Variants in ESRRB observed in about 807,000 individuals in gnomAD.
ESRRB encodes the protein steroid hormone receptor ERR2.
In ESRRB, 16 loss-of-function variants were observed where a neutral mutation model predicts 46.0. The observed-to-expected ratio is 0.35, with a 90% CI of 0.24 to 0.53. ESRRB has a LOEUF of 0.53. Among genes scored for constraint, ESRRB ranks in the 20% least tolerant of loss-of-function variants. ESRRB has a pLI of 0.93. For missense variants in ESRRB, 488 were observed against 607.4 expected, an observed-to-expected ratio of 0.80 and a Z score of 2.07; for synonymous variants, 246 against 259.6, an observed-to-expected ratio of 0.95 and a Z score of 0.50.
chr14:76,466,724 T>C (rs1442695685), intron 3 of ESRRB, among the ~76,000 whole-genome samples: 2 of 152,016 alleles, frequency 1.3e-5, no homozygotes, highest in Non-Finnish European at 2.9e-5. Flanking sequence ...TAATTTTTTT[T>C]TTTTCTTTTG....
chr14:76,361,528 G>A (rs1433557838), intron 1 of ESRRB, among the ~76,000 whole-genome samples: 1 of 152,174 alleles, frequency 6.6e-6, no homozygotes, highest in African/African-American at 2.4e-5. Flanking sequence ...AGTTATCTCA[G>A]CAACACCTGG....
At chr14:76,312,746 T>C (rs1052038130) in intron 1 of ESRRB, among the ~76,000 whole-genome samples, 5 of 152,124 alleles carry the variant, frequency 3.3e-5, no homozygotes, top group African/African-American at 9.7e-5. Flanking sequence ...TGGTGGATTA[T>C]TGTTAATTAA....
chr14:76,346,173 G>A (rs953611350), intron 1 of ESRRB, among the ~76,000 whole-genome samples: 8 of 152,126 alleles, frequency 5.3e-5, no homozygotes, highest in African/African-American at 1.7e-4. Context: ...TTCACAGAGT[G>A]GACATGGATT....
At chr14:76,329,575 C>T (rs928407949) in intron 1 of ESRRB, among the ~76,000 whole-genome samples, 1 of 152,186 alleles carries the variant, frequency 6.6e-6, no homozygotes, top group Non-Finnish European at 1.5e-5. Flanking sequence ...TTTACGGCTC[C>T]GCGGTGGGGT....
chr14:76,407,674 G>GCATCA, intron 1 of ESRRB: 1 of 807,226 alleles, frequency 1.2e-6, no homozygotes, highest in Non-Finnish European at 1.5e-6. Context: ...GCTGAGCATT[G>GCATCA]ATGCAGACCA....
rs375344624 is a variant in ESRRB at position 76,323,945 on chromosome 14, CTGCCTGGTGATGTTTGGCAT to C, written c.2+13035_2+13054del. On this transcript the variant is annotated intron_variant, in intron 1 of 6. Transcript: ENST00000512784. Reference sequence around the variant, plus strand: ...ATCTGACGAAGGCATGTAAGTATCTCTGCCTGGTGATGTTTGGCATTGCCTTGTTCTTGGGTTCCATTGTC... The same window carrying C: ...ATCTGACGAAGGCATGTAAGTATCTCTGCCTTGTTCTTGGGTTCCATTGTC... Among the ~76,000 whole-genome samples the C allele has an allele frequency of 4.8e-3, 728 of 152,276 alleles. 6 individuals are homozygous for C. The highest frequency in any genetic ancestry group is 0.017 in the African/African-American group (686 of 41,538).
chr14:76,338,172 G>C (rs918975588), intron 1 of ESRRB, among the ~76,000 whole-genome samples: 1 of 152,170 alleles, frequency 6.6e-6, no homozygotes, highest in Non-Finnish European at 1.5e-5. Context: ...CATTAAAAAG[G>C]GTTTGTCAGG....
chr14:76,470,051 G>C (rs2140007633), intron 3 of ESRRB, among the ~76,000 whole-genome samples: 1 of 146,050 alleles, frequency 6.8e-6, no homozygotes, highest in South Asian at 2.2e-4. Context: ...AGGTTCAAGA[G>C]ATTCTCCTGC....
At chr14:76,318,565 G>A (rs888890393) in intron 1 of ESRRB, among the ~76,000 whole-genome samples, 17 of 152,068 alleles carry the variant, frequency 1.1e-4, no homozygotes, top group African/African-American at 4.1e-4. Flanking sequence ...TTGTGACCTT[G>A]GGCAACTGTC....
intron 6 of ESRRB, among the ~76,000 whole-genome samples, chr14:76,497,599 C>G (rs898516277): frequency 5.3e-5 from 8 of 152,198 alleles, no homozygotes; most frequent in Admixed American, 3.3e-4. Flanking sequence ...CACCTTGACA[C>G]AGTGCTCAGC....
At chr14:76,358,204 C>T (rs1409155440) in intron 1 of ESRRB, among the ~76,000 whole-genome samples, 2 of 149,742 alleles carry the variant, frequency 1.3e-5, no homozygotes, top group African/African-American at 2.5e-5. Context: ...CCCAGCTACT[C>T]GGGAGGCTGA....
At chr14:76,359,368 A>G (rs1884436076) in intron 1 of ESRRB, among the ~76,000 whole-genome samples, 1 of 152,222 alleles carries the variant, frequency 6.6e-6, no homozygotes, top group African/African-American at 2.4e-5. Flanking sequence ...CTTTAAACAC[A>G]AGTGACTGCC....
intron 3 of ESRRB, among the ~76,000 whole-genome samples, chr14:76,473,070 G>A (rs1889435024): frequency 6.6e-6 from 1 of 152,188 alleles, no homozygotes; most frequent in African/African-American, 2.4e-5. Context: ...GGCGTCACAA[G>A]TTTAGGGCAA....
intron 1 of ESRRB, among the ~76,000 whole-genome samples, chr14:76,412,523 C>T (rs1462638887): frequency 3.3e-5 from 5 of 152,156 alleles, no homozygotes; most frequent in African/African-American, 4.8e-5. Flanking sequence ...ACTGGGCTGT[C>T]GACCTGGGAG....
At chr14:76,379,230 A>C (rs1884906015) in intron 1 of ESRRB, among the ~76,000 whole-genome samples, 1 of 152,082 alleles carries the variant, frequency 6.6e-6, no homozygotes, top group Admixed American at 6.5e-5. Context: ...TTTTATGTAC[A>C]TATATAATCA....
intron 2 of ESRRB, among the ~76,000 whole-genome samples, chr14:76,444,794 T>A (rs1033556094): frequency 2.6e-5 from 4 of 152,138 alleles, no homozygotes; most frequent in Admixed American, 6.5e-5. Flanking sequence ...TCATTTTTTT[T>A]AAGTTCTATT....
At chr14:76,369,321 C>G (rs1884564653), upstream of ESRRB, among the ~76,000 whole-genome samples, 1 of 149,018 alleles carries the variant, frequency 6.7e-6, no homozygotes, top group Admixed American at 6.7e-5. Flanking sequence ...GTCACCTAGG[C>G]TGGAGTGCAG....
At chr14:76,414,853 G>C (rs1163191415) in intron 1 of ESRRB, among the ~76,000 whole-genome samples, 1 of 152,106 alleles carries the variant, frequency 6.6e-6, no homozygotes, top group Non-Finnish European at 1.5e-5. Flanking sequence ...TGTGGGCTGG[G>C]AGCCTGGTCC....
intron 1 of ESRRB, among the ~76,000 whole-genome samples, chr14:76,354,215 C>T: frequency 1.2e-5 from 1 of 84,450 alleles, no homozygotes; most frequent in African/African-American, 8.0e-5. Flanking sequence ...CCCCCAGGGT[C>T]CTCTACCCGC....
Sources: allele counts gnomAD v4.1 joint callset (sites outside exome capture counted in the v4.1 genomes callset), GRCh38; gene constraint gnomAD v4.1.1; transcripts MANE v1.5; gene names NCBI Gene and HGNC (gene_info 2026-07-23, HGNC 2026-07-21).